Variants in PRTFDC1 observed in about 807,000 individuals in gnomAD.
PRTFDC1 encodes the protein phosphoribosyl transferase domain containing 1, also known as phosphoribosyltransferase domain-containing protein 1.
Under a neutral mutation model 34.6 loss-of-function variants are expected in PRTFDC1, and 38 were observed. The ratio of observed to expected loss-of-function variants is 1.10; its 90% CI spans 0.85 to 1.44. The LOEUF (loss-of-function observed/expected upper bound fraction) is 1.44. PRTFDC1 is among the 40% of genes most tolerant of loss of function. The probability of loss-of-function intolerance (pLI) is 0.00; values close to 1 mark genes in which losing one functional copy is unlikely to be tolerated. For synonymous variants in PRTFDC1, 93 were observed against 98.1 expected (o/e 0.95, Z 0.31); for missense variants, 270 against 283.0 (o/e 0.95, Z 0.33).
intron 4 of PRTFDC1, among the ~76,000 whole-genome samples, chr10:24,861,339 A>C (rs558185017): frequency 6.6e-6 from 1 of 152,046 alleles, no homozygotes; most frequent in African/African-American, 2.4e-5. Flanking sequence ...CTTCTGTACC[A>C]AAAAATATAA....
At chr10:24,933,541 A>C (rs1038051739) in intron 3 of PRTFDC1, among the ~76,000 whole-genome samples, 1 of 152,186 alleles carries the variant, frequency 6.6e-6, no homozygotes, top group African/African-American at 2.4e-5. Flanking sequence ...CCACAATGTG[A>C]TATCATCACC....
intron 3 of PRTFDC1, among the ~76,000 whole-genome samples, chr10:24,890,896 C>T (rs1848249068): frequency 6.6e-6 from 1 of 152,200 alleles, no homozygotes; most frequent in South Asian, 2.1e-4. Context: ...CTAGAAGAGG[C>T]TTCTCAGGGA....
At chr10:24,899,833 G>T (rs967508178) in intron 3 of PRTFDC1, among the ~76,000 whole-genome samples, 3 of 152,208 alleles carry the variant, frequency 2.0e-5, no homozygotes, top group Non-Finnish European at 4.4e-5. Context: ...AGCCAACAAT[G>T]TTGCGGGAAG....
intron 4 of PRTFDC1, among the ~76,000 whole-genome samples, chr10:24,859,371 C>A (rs1332213676): frequency 1.3e-5 from 2 of 152,160 alleles, no homozygotes; most frequent in African/African-American, 4.8e-5. Context: ...TCGATTCTCC[C>A]ACCTCACCTT....
intron 4 of PRTFDC1, among the ~76,000 whole-genome samples, chr10:24,864,701 G>C (rs1468430857): frequency 1.3e-5 from 2 of 152,160 alleles, no homozygotes; most frequent in African/African-American, 2.4e-5. Flanking sequence ...CAAAAAATTT[G>C]TGTGGCTCTC....
intron 3 of PRTFDC1, among the ~76,000 whole-genome samples, chr10:24,895,343 C>A (rs1030711582): frequency 1.4e-5 from 2 of 141,590 alleles, no homozygotes; most frequent in Non-Finnish European, 3.0e-5. Flanking sequence ...CCTCTGCCCC[C>A]TGGGTTCAAG....
chr10:24,895,914 C>T (rs144252625), intron 3 of PRTFDC1, among the ~76,000 whole-genome samples: 23 of 151,956 alleles, frequency 1.5e-4, no homozygotes, highest in African/African-American at 5.1e-4. Flanking sequence ...GTTATGTCAA[C>T]GCATATTTAA....
intron 3 of PRTFDC1, among the ~76,000 whole-genome samples, chr10:24,920,319 A>T (rs907303268): frequency 7.3e-5 from 11 of 150,504 alleles, no homozygotes; most frequent in African/African-American, 2.7e-4. Context: ...ATGTGTGTGT[A>T]TATATATATA....
chr10:24,923,869 T>C (rs905366055), intron 3 of PRTFDC1, among the ~76,000 whole-genome samples: 1 of 152,208 alleles, frequency 6.6e-6, no homozygotes, highest in Non-Finnish European at 1.5e-5. Context: ...TAAAGGAACA[T>C]GTTCTAACTC....
intron 4 of PRTFDC1, among the ~76,000 whole-genome samples, chr10:24,861,091 TA>T (rs149727251): frequency 0.038 from 5,712 of 152,240 alleles, 336 homozygotes; most frequent in African/African-American, 0.13. Flanking sequence ...AATTCTAAGA[TA>T]TAGTGGTAAG....
intron 3 of PRTFDC1, among the ~76,000 whole-genome samples, chr10:24,929,832 C>T (rs1848943738): frequency 6.6e-6 from 1 of 152,136 alleles, no homozygotes; most frequent in Non-Finnish European, 1.5e-5. Context: ...CCCTCAAATC[C>T]TCCTGTTTTT....
chr10:24,928,388 A>G (rs1283856083), intron 3 of PRTFDC1, among the ~76,000 whole-genome samples: 1 of 152,124 alleles, frequency 6.6e-6, no homozygotes, highest in East Asian at 1.9e-4. Flanking sequence ...CCCAAAGCCC[A>G]AGGTGAGACT....
At chr10:24,855,295 A>C (rs1253323168) in intron 7 of PRTFDC1, 23 bp downstream of exon 7, 1 of 1,606,330 alleles carries the variant, frequency 6.2e-7, no homozygotes, top group Non-Finnish European at 8.5e-7. Context: ...AAACAAACAA[A>C]CAAAAAACTG....
At chr10:24,949,426 C>CG (rs1849301845) in intron 1 of PRTFDC1, among the ~76,000 whole-genome samples, 2 of 152,050 alleles carry the variant, frequency 1.3e-5, no homozygotes, top group African/African-American at 4.8e-5. Context: ...TTTTTTGTAT[C>CG]CCATCCTTGA....
At chr10:24,857,791 T>C (rs1352232097) in intron 5 of PRTFDC1, among the ~76,000 whole-genome samples, 3 of 151,886 alleles carry the variant, frequency 2.0e-5, no homozygotes, top group Non-Finnish European at 2.9e-5. Flanking sequence ...GAGACAAGCG[T>C]GCTCCTGAAG....
chr10:24,935,575 G>A (rs1362929691), intron 3 of PRTFDC1, among the ~76,000 whole-genome samples: 2 of 152,174 alleles, frequency 1.3e-5, no homozygotes, highest in African/African-American at 4.8e-5. Context: ...GTCCCCTGGT[G>A]TACACACCCT....
intron 4 of PRTFDC1, among the ~76,000 whole-genome samples, chr10:24,859,627 C>T (rs998719721): frequency 3.3e-5 from 5 of 152,134 alleles, no homozygotes; most frequent in African/African-American, 4.8e-5. Context: ...ATACAGCCTG[C>T]GGAACTGTGA....
chr10:24,922,045 G>A (rs1848799495), intron 3 of PRTFDC1, among the ~76,000 whole-genome samples: 1 of 152,076 alleles, frequency 6.6e-6, no homozygotes, highest in Non-Finnish European at 1.5e-5. Flanking sequence ...ATATCCAACT[G>A]TGTTGCTTTT....
intron 3 of PRTFDC1, among the ~76,000 whole-genome samples, chr10:24,917,818 T>A (rs1235647347): frequency 6.6e-6 from 1 of 152,144 alleles, no homozygotes; most frequent in African/African-American, 2.4e-5. Flanking sequence ...CAAAGAACAT[T>A]CACTGTCAAA....
Sources: allele counts gnomAD v4.1 joint callset (sites outside exome capture counted in the v4.1 genomes callset), GRCh38; gene constraint gnomAD v4.1.1; transcripts MANE v1.5; gene names NCBI Gene and HGNC (gene_info 2026-07-23, HGNC 2026-07-21).